Variants in CENPN observed in about 807,000 individuals in gnomAD.
CENPN encodes the protein centromere protein N, also known as interphase centromere complex protein 32.
Under a neutral mutation model 48.6 loss-of-function variants are expected in CENPN, and 36 were observed. That is an observed-to-expected ratio of 0.74 (90% CI 0.57 to 0.98). The LOEUF (loss-of-function observed/expected upper bound fraction) is 0.98. Among genes scored for constraint, CENPN ranks in the 50% least tolerant of loss-of-function variants. The pLI is 0.00. For synonymous variants in CENPN, 166 were observed against 135.2 expected (o/e 1.23, Z -1.58); for missense variants, 439 against 399.2 (o/e 1.10, Z -0.85).
intron 6 of CENPN, 24 bp from the exon 7 acceptor site, chr16:81,022,573 A>AG (rs1970266171): frequency 6.3e-7 from 1 of 1,589,514 alleles, no homozygotes; most frequent in Admixed American, 1.7e-5. Context: ...TCCTAGTAAT[A>AG]GTCTTGCAAA....
Position 81,029,861 on chromosome 16 carries a change from T to C in CENPN, c.*1210T>C, listed in dbSNP as rs1970688667. Among the ~76,000 whole-genome samples the C allele has an allele frequency of 6.6e-6, 1 of 152,038 alleles. No homozygotes were observed. The highest frequency in any genetic ancestry group is 1.5e-5 in the Non-Finnish European group (1 of 67,980). ...AAATGCTGGGATTATAGGAGTGTAT[T>C]AGTCTATTCTCATGCTGCTAATAAA... On this transcript the variant is annotated 3_prime_UTR_variant, in exon 11 of 11. Transcript: ENST00000305850.
At chr16:81,032,499 A>T, downstream of CENPN, 3 of 1,479,588 alleles carry the variant, frequency 2.0e-6, no homozygotes, top group Non-Finnish European at 2.7e-6. Flanking sequence ...GCACGTTAAT[A>T]AAACTTGTAT....
At chr16:81,031,496 G>A (rs1970776065), downstream of CENPN, 1 of 152,276 alleles carries the variant, frequency 6.6e-6, no homozygotes, top group South Asian at 2.1e-4. Flanking sequence ...TTTGCAGTGT[G>A]GTCTTTTGCC....
At chr16:81,013,202 G>C (rs1001650347) in intron 2 of CENPN, among the ~76,000 whole-genome samples, 6 of 152,184 alleles carry the variant, frequency 3.9e-5, no homozygotes, top group Non-Finnish European at 8.8e-5. Flanking sequence ...CAGTAAAAAG[G>C]AATGAAGTAT....
chr16:81,017,115 T>C, intron 3 of CENPN: 3 of 443,828 alleles, frequency 6.8e-6, no homozygotes, highest in Non-Finnish European at 8.0e-6. Flanking sequence ...AACTGTATTA[T>C]CTAAGTCAGT....
At chr16:81,027,560 G>T (rs1468474008) in intron 9 of CENPN, among the ~76,000 whole-genome samples, 1 of 152,226 alleles carries the variant, frequency 6.6e-6, no homozygotes, top group Non-Finnish European at 1.5e-5. Flanking sequence ...GATTGCAAAA[G>T]ATAGCACTAA....
In CENPN at chr16:81,014,098, A is replaced by G. The variant is rs373135643; in HGVS notation, c.172-38A>G. The G allele has an allele frequency of 5.2e-5, 82 of 1,580,116 alleles. No individual in the cohort carries two copies. In the African/African-American group the frequency reaches 9.4e-4, roughly 18 times the overall value. On this transcript the variant is annotated intron_variant, in intron 2 of 10. Transcript: ENST00000305850. Reference sequence around the variant, plus strand: ...TTTTAAACGGGATAGAACCAAACCTATAACCACAGTTACTAAATAATTTGT... The same window carrying G: ...TTTTAAACGGGATAGAACCAAACCTGTAACCACAGTTACTAAATAATTTGT...
At chr16:81,015,169 C>T (rs1286091907) in intron 3 of CENPN, among the ~76,000 whole-genome samples, 1 of 152,210 alleles carries the variant, frequency 6.6e-6, no homozygotes, top group African/African-American at 2.4e-5. Context: ...AGTGTAGCTT[C>T]TCACCTCTCC....
chr16:81,010,138 C>T (rs1031669091), intron 1 of CENPN, among the ~76,000 whole-genome samples: 10 of 152,104 alleles, frequency 6.6e-5, no homozygotes, highest in African/African-American at 2.4e-4. Flanking sequence ...GGGGAGGTTG[C>T]AGTGAGCCGA....
chr16:81,032,550 CA>C (rs1399674972), downstream of CENPN: 2 of 1,545,630 alleles, frequency 1.3e-6, no homozygotes, highest in Non-Finnish European at 1.8e-6. Flanking sequence ...AGTTGATTTT[CA>C]GTGTTTTTTT....
Position 81,030,170 on chromosome 16 carries a change from C to A in CENPN, c.*1519C>A, listed in dbSNP as rs75597714. The A allele has an allele frequency of 2.4e-3, 2,385 of 983,570 alleles. No individual in the cohort carries two copies. The highest frequency in any genetic ancestry group is 2.6e-3 in the Non-Finnish European group (2,147 of 828,270). The allele number at this position is 983,570 out of a possible 1,614,324, so 60.9% of individuals were successfully genotyped here. A position where few individuals can be genotyped will look rare whatever the true frequency, so the allele number is the denominator to read the frequency against. ...TTGTCACATGGGGGTTATTACAATTCAAGGTGACACTTGTGTGGAGACACA... is the reference window on the plus strand; with the variant it reads ...TTGTCACATGGGGGTTATTACAATTAAAGGTGACACTTGTGTGGAGACACA... On this transcript the variant is annotated 3_prime_UTR_variant, in exon 11 of 11. Transcript: ENST00000305850.
chr16:81,026,069 A>ATG lies in CENPN; in HGVS notation c.698-437_698-436dup, dbSNP rs56927276. ...GCCATGGAGATATATATATATATAT[A>ATG]TGTGTGTGTGTGTGTGTGTGTATAT... On this transcript the variant is annotated intron_variant, in intron 8 of 10. Coordinates refer to ENST00000305850, the MANE Select transcript of CENPN (RefSeq NM_001100624.3). 2.1e-3 allele frequency among the ~76,000 whole-genome samples: 293 copies of ATG among 136,702 alleles called. 1 individual carries two copies. Among genetic ancestry groups the ATG allele is most frequent in the African/African-American group, 6.2e-3 (225 of 36,132 alleles). The allele number at this position is 136,702 out of a possible 152,430, so 89.7% of individuals were successfully genotyped here.
At chr16:81,023,821 C>A (rs1970329117) in intron 7 of CENPN, 1 of 152,288 alleles carries the variant, frequency 6.6e-6, no homozygotes, top group East Asian at 1.9e-4. Flanking sequence ...TGGCTCACAC[C>A]TGTAATCCCA....
intron 10 of CENPN, 38 bp from the exon 11 acceptor site, chr16:81,028,531 T>A (rs778153436): frequency 4.4e-6 from 7 of 1,573,424 alleles, no homozygotes; most frequent in Non-Finnish European, 6.0e-6. Context: ...TGATGACTTT[T>A]AATTTTCTTT....
At position 81,017,824 on chromosome 16, in the gene CENPN, C is replaced by A; in HGVS notation, c.344C>A (p.Ala115Glu). ...KNSFKKILQR[A>E]LKNVTVSFRE... The stretch of plus-strand genomic sequence containing the variant: ...TCGTTCAAGAAAATTCTTCAGAGAG[C>A]ATTAAAAAATGTAAGAATAAAATTC... Residue 115 changes from alanine to glutamate, a missense_variant, in exon 5 of 11, where the codon GCA becomes GAA. Coordinates refer to ENST00000305850, the MANE Select transcript of CENPN (RefSeq NM_001100624.3). 2 of 1,538,892 alleles carry A rather than the reference C, an allele frequency of 1.3e-6. No homozygotes were observed. Among genetic ancestry groups the A allele is most frequent in the Non-Finnish European group, 1.8e-6 (2 of 1,125,106 alleles).
rs2151691617 is a variant in CENPN, at chr16:81,020,274, C to T, written c.529C>T (p.Gln177Ter). 6.2e-7 allele frequency: 1 copy of T among 1,606,896 alleles called. No individual in the cohort carries two copies. The highest frequency in any genetic ancestry group is 8.5e-7 in the Non-Finnish European group (1 of 1,178,016). The change falls in exon 6 of 11, where the codon CAG becomes TAG. Residue 177 changes from glutamine (Q) to a stop codon, truncating the protein, a stop_gained and splice_region_variant. Coordinates refer to ENST00000305850, the MANE Select transcript of CENPN (RefSeq NM_001100624.3). LOFTEE classifies it high-confidence loss of function. ...MLRRNTPLLG[Q>*]ALTIASKHHQ... ...GAGGCGCAATACACCGCTTCTGGGT[C>T]AGGTATGGAAAAAATTATTACAAGC... is the stretch of plus-strand genomic sequence containing the variant.
rs773145426 is a variant in CENPN at position 81,030,108 on chromosome 16, G to A, written c.*1457G>A. On this transcript the variant is annotated 3_prime_UTR_variant, in exon 11 of 11. Coordinates refer to ENST00000305850, the MANE Select transcript of CENPN (RefSeq NM_001100624.3). Reference sequence around the variant, plus strand: ...CCATGAGAATAGTATGGGGGAAATCGTTCCCATGACTCAAGTATCTCCACC... The same window carrying A: ...CCATGAGAATAGTATGGGGGAAATCATTCCCATGACTCAAGTATCTCCACC... The A allele has an allele frequency of 8.2e-5, 55 of 672,898 alleles. No homozygotes were observed. The highest frequency in any genetic ancestry group is 4.1e-4 in the East Asian group (3 of 7,360). 41.7% of individuals were successfully genotyped at this position (672,898 alleles called of 1,614,324 possible).
At chr16:81,007,968 G>A (rs1180225701) in intron 1 of CENPN, among the ~76,000 whole-genome samples, 1 of 151,996 alleles carries the variant, frequency 6.6e-6, no homozygotes, top group African/African-American at 2.4e-5. Flanking sequence ...TTAACCGGAC[G>A]TGGTATCGGG....
chr16:81,028,445 T>A (rs1315548058), intron 10 of CENPN, 124 bp from the exon 11 acceptor site: 2 of 1,488,402 alleles, frequency 1.3e-6, no homozygotes, highest in Non-Finnish European at 1.8e-6. Flanking sequence ...CTTCTGTACT[T>A]AATAGGGAGG....
Sources: allele counts gnomAD v4.1 joint callset (sites outside exome capture counted in the v4.1 genomes callset), GRCh38; gene constraint gnomAD v4.1.1; transcripts MANE v1.5; gene names NCBI Gene and HGNC (gene_info 2026-07-23, HGNC 2026-07-21).